The following CAPN5 variants were observed in gnomAD, a reference collection of about 807,000 sequenced individuals.
CAPN5 encodes calpain 5.
CAPN5 carries 54 observed loss-of-function variants against 73.0 expected under a neutral mutation model. The observed-to-expected ratio is 0.74, with a 90% CI of 0.59 to 0.93. The LOEUF is 0.93. CAPN5 is among the 40% of genes least tolerant of loss of function. The pLI is 0.00. For synonymous variants in CAPN5, 335 were observed against 356.9 expected, an observed-to-expected ratio of 0.94 and a Z score of 0.69; for missense variants, 785 against 882.9, an observed-to-expected ratio of 0.89 and a Z score of 1.41.
rs948410819 is a variant in CAPN5, at chr11:77,112,448, G to A, written c.298-141G>A. 1.5e-5 allele frequency: 10 copies of A among 679,132 alleles called. No individual in the cohort carries two copies. The Admixed American group carries it at 1.6e-4, about 11-fold the overall frequency. The allele number at this position is 679,132 out of a possible 1,614,324, so 42.1% of individuals were successfully genotyped here. ...TGGGGAGGATTCATCCGGGTCTCAC[G>A]AAGGCTTGTGGCAGAGTTGGAATCC... is the stretch of plus-strand genomic sequence containing the variant. On this transcript the variant is annotated intron_variant, in intron 3 of 12. Coordinates refer to ENST00000648180, the MANE Select transcript of CAPN5 (RefSeq NM_004055.5).
intron 1 of CAPN5, among the ~76,000 whole-genome samples, chr11:77,079,412 C>G (rs1555034321): frequency 1.3e-5 from 2 of 152,128 alleles, no homozygotes; most frequent in East Asian, 3.8e-4. Context: ...AATATTGCTT[C>G]TTTTGCTTAA....
chr11:77,090,438 C>T (rs1427289883), intron 2 of CAPN5, among the ~76,000 whole-genome samples: 7 of 152,240 alleles, frequency 4.6e-5, no homozygotes, highest in Admixed American at 4.6e-4. Context: ...GTTGGATCTG[C>T]ACCTCGGGTC....
intron 4 of CAPN5, 147 bp from the exon 5 acceptor site, chr11:77,114,095 G>C: frequency 1.5e-6 from 1 of 661,444 alleles, no homozygotes. Flanking sequence ...TAAGAACTGG[G>C]TTCCAGTGTT....
chr11:77,083,359 C>T (rs1950047297), intron 1 of CAPN5, among the ~76,000 whole-genome samples: 1 of 152,226 alleles, frequency 6.6e-6, no homozygotes, highest in Non-Finnish European at 1.5e-5. Context: ...TCTTTCCCTC[C>T]ACATGAGGCC....
intron 5 of CAPN5, among the ~76,000 whole-genome samples, chr11:77,115,044 CAA>C (rs1950451704): frequency 6.6e-6 from 1 of 151,428 alleles, no homozygotes; most frequent in South Asian, 2.1e-4. Flanking sequence ...GCCTGGGCAA[CAA>C]GAGCAAAACT....
chr11:77,103,198 C>A, intron 3 of CAPN5: 1 of 1,613,758 alleles, frequency 6.2e-7, no homozygotes, highest in Non-Finnish European at 8.5e-7. Context: ...TGGAATGAGG[C>A]CGACGCCCTG....
At position 77,115,561 on chromosome 11, in the gene CAPN5, G is replaced by C. The variant is rs1950458777; in HGVS notation, c.866G>C (p.Arg289Pro). ...MIRLRNPWGE[R>P]EWNGPWSDTS... ...CGCCTGCGCAACCCCTGGGGCGAGC[G>C]GGAGTGGAACGGGCCCTGGAGTGAC... Residue 289 changes from arginine (R) to proline (P), a missense_variant, in exon 6 of 13, where the codon CGG becomes CCG. Coordinates refer to ENST00000648180, the MANE Select transcript of CAPN5 (RefSeq NM_004055.5). The C allele has an allele frequency of 6.2e-7, 1 of 1,612,234 alleles. No individual in the cohort carries two copies. The highest frequency in any genetic ancestry group is 8.5e-7 in the Non-Finnish European group (1 of 1,179,732).
intron 3 of CAPN5, among the ~76,000 whole-genome samples, chr11:77,097,537 A>G (rs1449454092): frequency 9.1e-6 from 1 of 110,244 alleles, no homozygotes; most frequent in African/African-American, 3.6e-5. Flanking sequence ...TGGCAGGGTC[A>G]TGGGACAATA....
intron 2 of CAPN5, among the ~76,000 whole-genome samples, chr11:77,087,785 T>G (rs1555035781): frequency 6.6e-6 from 1 of 151,970 alleles, no homozygotes; most frequent in African/African-American, 2.4e-5. Context: ...CTTGGCAACT[T>G]TTTGTTGGGG....
chr11:77,103,399 C>T (rs1340877407), intron 3 of CAPN5: 4 of 1,528,106 alleles, frequency 2.6e-6, no homozygotes, highest in African/African-American at 1.4e-5. Flanking sequence ...CACTTTCCCC[C>T]CTGTATTTTT....
chr11:77,080,444 A>T (rs1555034462), intron 1 of CAPN5, among the ~76,000 whole-genome samples: 1 of 152,150 alleles, frequency 6.6e-6, no homozygotes, highest in Non-Finnish European at 1.5e-5. Flanking sequence ...TCAGAGAGGT[A>T]GGTGACTTGC....
At chr11:77,090,737 C>T (rs1186208500) in intron 2 of CAPN5, among the ~76,000 whole-genome samples, 5 of 152,148 alleles carry the variant, frequency 3.3e-5, no homozygotes, top group African/African-American at 1.2e-4. Context: ...TGGGGTCCTC[C>T]GTATATGGAA....
chr11:77,104,713 C>T (rs938540288), intron 3 of CAPN5, among the ~76,000 whole-genome samples: 1 of 152,236 alleles, frequency 6.6e-6, no homozygotes, highest in African/African-American at 2.4e-5. Flanking sequence ...AAGGCCAGCC[C>T]TGTGTTTTGT....
intron 3 of CAPN5, among the ~76,000 whole-genome samples, chr11:77,107,089 T>C (rs1259700261): frequency 6.6e-6 from 1 of 152,120 alleles, no homozygotes; most frequent in Non-Finnish European, 1.5e-5. Context: ...ATCGACACCC[T>C]GGTCTCCGGT....
At chr11:77,070,953 G>A (rs902399488) in intron 1 of CAPN5, among the ~76,000 whole-genome samples, 1 of 152,200 alleles carries the variant, frequency 6.6e-6, no homozygotes, top group Non-Finnish European at 1.5e-5. Flanking sequence ...GGCCCACCCA[G>A]ATAAGCCAAG....
Position 77,084,974 on chromosome 11 carries a change from C to G in CAPN5, c.88C>G (p.Pro30Ala). The G allele has an allele frequency of 1.9e-6, 3 of 1,613,624 alleles. No homozygotes were observed. The highest frequency in any genetic ancestry group is 2.5e-6 in the Non-Finnish European group (3 of 1,180,002). The stretch of plus-strand genomic sequence containing the variant: ...GCGCAGGAAGGTGCTCTTCGAGGAC[C>G]CCCTCTTCCCCGCCACTGACGACTC... ...CRRRKVLFED[P>A]LFPATDDSLY... Residue 30 changes from proline (P) to alanine (A), a missense_variant, in exon 2 of 13, where the codon CCC (proline) becomes GCC (alanine). Physicochemically the swap from Pro to Ala is conservative, Grantham distance 27. Coordinates refer to ENST00000648180, the MANE Select transcript of CAPN5 (RefSeq NM_004055.5).
intron 12 of CAPN5, among the ~76,000 whole-genome samples, chr11:77,122,943 G>A (rs1398091450): frequency 6.6e-6 from 1 of 152,224 alleles, no homozygotes; most frequent in South Asian, 2.1e-4. Context: ...ACCCAGCAGG[G>A]TCCATCTCCT....
Position 77,126,044 on chromosome 11 carries a change from G to T in CAPN5, c.*2174G>T, listed in dbSNP as rs146013439. 6.6e-6 allele frequency: 1 copy of T among 152,222 alleles called. No homozygotes were observed. The highest frequency in any genetic ancestry group is 2.4e-5 in the African/African-American group (1 of 41,436). The allele number at this position is 152,222 out of a possible 1,614,324, so 9.4% of individuals were successfully genotyped here. ...GAGTCCCCATTTGCAGGTGGGTAGG[G>T]CCTCCAGCCCACACCACCCAGACCT... On this transcript the variant is annotated 3_prime_UTR_variant, in exon 13 of 13. Coordinates refer to ENST00000648180, the MANE Select transcript of CAPN5 (RefSeq NM_004055.5).
chr11:77,079,783 T>TTGTGTGTGTGTGTGTGTG (rs147108363), intron 1 of CAPN5, among the ~76,000 whole-genome samples: 40 of 148,246 alleles, frequency 2.7e-4, no homozygotes, highest in African/African-American at 9.2e-4. Context: ...CTACTTGAGA[T>TTGTGTGTGTGTGTGTGTG]TGTGTGTGTG....
Sources: allele counts gnomAD v4.1 joint callset (sites outside exome capture counted in the v4.1 genomes callset), GRCh38; gene constraint gnomAD v4.1.1; transcripts MANE v1.5; gene names NCBI Gene and HGNC (gene_info 2026-07-23, HGNC 2026-07-21).